The following DIAPH2 variants were observed in gnomAD, a reference collection of about 807,000 sequenced individuals.
DIAPH2 encodes the protein diaphanous related formin 2.
DIAPH2 carries 35 observed loss-of-function variants against 92.7 expected under a neutral mutation model. That is an observed-to-expected ratio of 0.38 (90% CI 0.29 to 0.50). The LOEUF (loss-of-function observed/expected upper bound fraction) is 0.50, where lower values mean the gene tolerates loss of function less well. Among genes scored for constraint, DIAPH2 ranks in the 20% least tolerant of loss-of-function variants. The pLI is 0.94. For missense variants in DIAPH2, 701 were observed against 819.5 expected, an observed-to-expected ratio of 0.86 and a Z score of 1.77; for synonymous variants, 301 against 280.4, an observed-to-expected ratio of 1.07 and a Z score of -0.73.
intron 14 of DIAPH2, among the ~76,000 whole-genome samples, chrX:96,947,227 C>T (rs1420148295): frequency 1.8e-5 from 2 of 111,626 alleles, no homozygotes; most frequent in Non-Finnish European, 3.8e-5. Flanking sequence ...CATTGTGTGC[C>T]TCTCCTCCAA....
chrX:96,989,917 A>G (rs2066057460), intron 17 of DIAPH2, among the ~76,000 whole-genome samples: 1 of 112,251 alleles, frequency 8.9e-6, no homozygotes, highest in South Asian at 3.7e-4. Context: ...CGTAATAGTT[A>G]TTTTAAAACA....
chrX:97,392,220 C>G (rs2069666463), intron 25 of DIAPH2, among the ~76,000 whole-genome samples: 1 of 111,426 alleles, frequency 9.0e-6, no homozygotes, highest in African/African-American at 3.3e-5. Context: ...ACATTCACCT[C>G]TTATAGTTTT....
chrX:97,160,095 GGGGGC>G (rs1232675875), intron 22 of DIAPH2, among the ~76,000 whole-genome samples: 1 of 107,067 alleles, frequency 9.3e-6, no homozygotes, highest in East Asian at 3.5e-4. Context: ...CATAAAAGAC[GGGGGC>G]GGGGCGGGGT....
At chrX:97,002,248 C>T (rs1050647810) in intron 17 of DIAPH2, among the ~76,000 whole-genome samples, 2 of 109,384 alleles carry the variant, frequency 1.8e-5, no homozygotes, top group Non-Finnish European at 3.8e-5. Flanking sequence ...AAGTTTTATC[C>T]CTTTACTTTG....
At chrX:97,273,434 T>C (rs1365710970) in intron 23 of DIAPH2, among the ~76,000 whole-genome samples, 1 of 112,027 alleles carries the variant, frequency 8.9e-6, no homozygotes, top group Non-Finnish European at 1.9e-5. Context: ...TATTTAGGCA[T>C]GATAAATACA....
At chrX:97,565,323 A>G (rs781390645) in intron 26 of DIAPH2, among the ~76,000 whole-genome samples, 1 of 112,342 alleles carries the variant, frequency 8.9e-6, no homozygotes, top group South Asian at 3.7e-4. Flanking sequence ...GATTGACGCA[A>G]TATATGCAAG....
chrX:96,744,515 TAGTG>T lies in DIAPH2; in HGVS notation c.342+5756_342+5759del, dbSNP rs1420940226. Among the ~76,000 whole-genome samples the T allele has an allele frequency of 7.1e-5, 8 of 112,103 alleles. No individual in the cohort carries two copies. In the East Asian group the frequency reaches 2.2e-3, roughly 31 times the overall value. ...AATTAGTACATTTTCCTTGCACACATAGTGAGGAGAAGTAGAAGGCAAATCAGAG... is the reference window on the plus strand; with the variant it reads ...AATTAGTACATTTTCCTTGCACACATAGGAGAAGTAGAAGGCAAATCAGAG... On this transcript the variant is annotated intron_variant, in intron 3 of 26. Transcript: ENST00000324765.
intron 26 of DIAPH2, among the ~76,000 whole-genome samples, chrX:97,540,067 A>G: frequency 8.9e-6 from 1 of 111,919 alleles, no homozygotes; most frequent in Middle Eastern, 4.6e-3. Flanking sequence ...CTGGCCCATG[A>G]TTATCCATCT....
intron 4 of DIAPH2, among the ~76,000 whole-genome samples, chrX:96,826,295 T>A (rs955937817): frequency 5.5e-5 from 6 of 109,982 alleles, no homozygotes; most frequent in Non-Finnish European, 1.1e-4. Flanking sequence ...TGCATACGTG[T>A]AATCCCAGCT....
At chrX:96,901,982 G>GT (rs2065400735) in intron 5 of DIAPH2, among the ~76,000 whole-genome samples, 1 of 111,819 alleles carries the variant, frequency 8.9e-6, no homozygotes, top group South Asian at 3.7e-4. Flanking sequence ...TTGATAACGT[G>GT]TGTCACTAGT....
intron 4 of DIAPH2, among the ~76,000 whole-genome samples, chrX:96,843,085 G>A (rs746602933): frequency 2.2e-4 from 24 of 111,485 alleles, no homozygotes; most frequent in African/African-American, 7.2e-4. Context: ...GATGTGATTG[G>A]ATCATGGGAG....
intron 25 of DIAPH2, among the ~76,000 whole-genome samples, chrX:97,408,740 G>A (rs867814527): frequency 9.0e-6 from 1 of 111,718 alleles, no homozygotes; most frequent in Non-Finnish European, 1.9e-5. Flanking sequence ...CAAGTGTAAA[G>A]TATCTAGGCT....
At position 96,855,833 on chromosome X, in the gene DIAPH2, T is replaced by G. The variant is rs2065036240; in HGVS notation, c.448-25746T>G. On this transcript the variant is annotated intron_variant, in intron 4 of 26. Transcript: ENST00000324765. ...AATATATAAATCTGAGATTGGATAT[T>G]CCGAACTAACAATTCAAGTTATTTA... Among the ~76,000 whole-genome samples the G allele has an allele frequency of 2.7e-5, 3 of 111,419 alleles. 1 individual carries two copies. In the Middle Eastern group the frequency reaches 0.014, roughly 513 times the overall value.
chrX:97,215,522 A>G (rs931691454), intron 22 of DIAPH2, among the ~76,000 whole-genome samples: 2 of 112,146 alleles, frequency 1.8e-5, no homozygotes, highest in African/African-American at 3.2e-5. Context: ...ACCATCAGCC[A>G]TGTCATTATT....
At chrX:97,007,761 CT>C (rs1202951643) in intron 17 of DIAPH2, among the ~76,000 whole-genome samples, 1,335 of 80,923 alleles carry the variant, frequency 0.016, 32 homozygotes, top group African/African-American at 0.061. Flanking sequence ...TTCTTTTTTT[CT>C]TTTTTTTTTT....
At chrX:97,437,238 T>C (rs1459818199) in intron 26 of DIAPH2, among the ~76,000 whole-genome samples, 1 of 112,274 alleles carries the variant, frequency 8.9e-6, no homozygotes, top group Non-Finnish European at 1.9e-5. Flanking sequence ...GTCTCTGTTT[T>C]ATAAATGTCA....
chrX:97,144,421 C>G (rs2067229206), intron 22 of DIAPH2, among the ~76,000 whole-genome samples: 1 of 110,697 alleles, frequency 9.0e-6, no homozygotes, highest in Admixed American at 9.6e-5. Context: ...TTCAAAATAG[C>G]TAGAAGAGAA....
chrX:96,703,038 G>C (rs1454490915), intron 1 of DIAPH2, among the ~76,000 whole-genome samples: 1 of 111,663 alleles, frequency 9.0e-6, no homozygotes, highest in Non-Finnish European at 1.9e-5. Flanking sequence ...CCATGACAAC[G>C]CATAACTGCA....
chrX:97,561,259 G>T (rs1696350907), intron 26 of DIAPH2, among the ~76,000 whole-genome samples: 1 of 112,139 alleles, frequency 8.9e-6, no homozygotes. Context: ...AATTGCCAGT[G>T]ATAGACATAT....
Sources: gnomAD v4.1 joint callset for allele counts (sites outside exome capture counted in the v4.1 genomes callset) on GRCh38, gnomAD v4.1.1 for gene constraint, MANE v1.5 for transcripts, NCBI Gene and HGNC (gene_info 2026-07-23, HGNC 2026-07-21) for gene names.